Variants in SCAPER observed in about 807,000 individuals in gnomAD.
SCAPER encodes the protein S phase cyclin A-associated protein in the endoplasmic reticulum.
In SCAPER, 98 loss-of-function variants were observed where a neutral mutation model predicts 182.2. The ratio of observed to expected loss-of-function variants is 0.54; its 90% CI spans 0.46 to 0.64. SCAPER has a LOEUF of 0.64. SCAPER is among the 30% of genes least tolerant of loss of function. The probability of loss-of-function intolerance (pLI) is 0.00; values close to 1 mark genes in which losing one functional copy is unlikely to be tolerated. For missense variants in SCAPER, 1,432 were observed against 1,690.0 expected (o/e 0.85, Z 2.68); for synonymous variants, 605 against 564.6 (o/e 1.07, Z -1.01).
At chr15:76,383,966 A>G (rs1407786746) in intron 27 of SCAPER, among the ~76,000 whole-genome samples, 4 of 152,242 alleles carry the variant, frequency 2.6e-5, no homozygotes, top group African/African-American at 9.6e-5. Flanking sequence ...ATTTGCTTAT[A>G]GGTATATCTG....
At chr15:76,646,981 C>T (rs1426728538) in intron 21 of SCAPER, among the ~76,000 whole-genome samples, 1 of 152,122 alleles carries the variant, frequency 6.6e-6, no homozygotes, top group Non-Finnish European at 1.5e-5. Context: ...GCCTGAATTC[C>T]AATTTATGAT....
At chr15:76,854,413 C>T (rs1031997309) in intron 4 of SCAPER, among the ~76,000 whole-genome samples, 24 of 152,012 alleles carry the variant, frequency 1.6e-4, no homozygotes, top group African/African-American at 5.8e-4. Flanking sequence ...GGAGGAGAAA[C>T]ATCTCCACAA....
At chr15:76,482,060 T>C (rs1450157809) in intron 24 of SCAPER, among the ~76,000 whole-genome samples, 1 of 152,182 alleles carries the variant, frequency 6.6e-6, no homozygotes, top group Non-Finnish European at 1.5e-5. Context: ...AGGCGCATAA[T>C]ATCTGAATGT....
At chr15:76,884,399 T>C (rs760608444) in intron 1 of SCAPER, among the ~76,000 whole-genome samples, 11 of 152,188 alleles carry the variant, frequency 7.2e-5, no homozygotes, top group Non-Finnish European at 1.5e-4. Context: ...AACAATTACA[T>C]AAGGCTGTAA....
At chr15:76,740,268 G>T (rs1408440619) in intron 15 of SCAPER, among the ~76,000 whole-genome samples, 1 of 152,142 alleles carries the variant, frequency 6.6e-6, no homozygotes, top group African/African-American at 2.4e-5. Context: ...CAGAGAACAT[G>T]ACAAAATGAC....
chr15:76,863,668 T>C (rs1294155050), intron 2 of SCAPER, among the ~76,000 whole-genome samples: 1 of 152,190 alleles, frequency 6.6e-6, no homozygotes, highest in African/African-American at 2.4e-5. Context: ...GATGCCTCCC[T>C]TGGCCCCAGA....
At chr15:76,750,134 A>G in intron 15 of SCAPER, among the ~76,000 whole-genome samples, 1 of 151,864 alleles carries the variant, frequency 6.6e-6, no homozygotes, top group South Asian at 2.1e-4. Context: ...TGTAAAAAGA[A>G]CAGTCTTAAA....
At chr15:76,783,087 C>T (rs1005511135) in intron 8 of SCAPER, among the ~76,000 whole-genome samples, 1 of 151,950 alleles carries the variant, frequency 6.6e-6, no homozygotes, top group Non-Finnish European at 1.5e-5. Flanking sequence ...ATACATGAAT[C>T]CAAGAGGTGT....
intron 10 of SCAPER, among the ~76,000 whole-genome samples, chr15:76,768,748 A>G (rs2063261342): frequency 6.6e-6 from 1 of 152,144 alleles, no homozygotes; most frequent in Non-Finnish European, 1.5e-5. Flanking sequence ...CAACTGACAG[A>G]AAAAGTAACC....
Position 76,771,849 on chromosome 15 carries a change from A to C in SCAPER, c.1141T>G (p.Ser381Ala). The C allele has an allele frequency of 6.2e-7, 1 of 1,613,210 alleles. No homozygotes were observed. The highest frequency in any genetic ancestry group is 8.5e-7 in the Non-Finnish European group (1 of 1,179,382). Residue 381 changes from serine (S) to alanine (A), a missense_variant, in exon 10 of 32, where the codon TCA becomes GCA. By Grantham distance (99) the Ser-to-Ala change is moderately conservative. Coordinates refer to ENST00000563290, the MANE Select transcript of SCAPER (RefSeq NM_020843.4). The stretch of plus-strand genomic sequence containing the variant: ...GGTGTACCAGCTTGCAGCATAACTG[A>C]AACACACTCTGTATCAATGTGGACA... ...SAVHIDTECV[S>A]VMLQAGTPPL... is the part of the protein sequence containing the mutation.
At chr15:76,425,736 T>C (rs1458873312) in intron 26 of SCAPER, among the ~76,000 whole-genome samples, 1 of 152,192 alleles carries the variant, frequency 6.6e-6, no homozygotes, top group African/African-American at 2.4e-5. Context: ...TTTTTTCCCA[T>C]CTTTGTGGTT....
intron 5 of SCAPER, among the ~76,000 whole-genome samples, chr15:76,820,963 A>T (rs540062103): frequency 6.6e-6 from 1 of 152,338 alleles, no homozygotes; most frequent in African/African-American, 2.4e-5. Flanking sequence ...AAAATCCAGA[A>T]AACTGACAAC....
chr15:76,644,190 G>C (rs938078942), intron 21 of SCAPER, among the ~76,000 whole-genome samples: 19 of 152,090 alleles, frequency 1.2e-4, no homozygotes, highest in African/African-American at 4.1e-4. Flanking sequence ...GCACACAGTA[G>C]AGCTGAGGCT....
chr15:76,529,686 G>GT (rs2043479898), intron 23 of SCAPER, among the ~76,000 whole-genome samples: 1 of 152,244 alleles, frequency 6.6e-6, no homozygotes, highest in Admixed American at 6.5e-5. Flanking sequence ...AGAGAGAAGA[G>GT]TAAGTGCCAA....
chr15:76,777,510 C>G (rs1281230697), intron 8 of SCAPER, among the ~76,000 whole-genome samples: 1 of 149,420 alleles, frequency 6.7e-6, no homozygotes, highest in African/African-American at 2.5e-5. Flanking sequence ...ACCAGCCTAA[C>G]ATGGTGAAAC....
At chr15:76,436,075 TG>T (rs2142566653) in intron 25 of SCAPER, among the ~76,000 whole-genome samples, 1 of 152,336 alleles carries the variant, frequency 6.6e-6, no homozygotes, top group African/African-American at 2.4e-5. Context: ...TGTTTTGTTT[TG>T]TTTTTTTTGG....
At chr15:76,883,183 G>A (rs560784207) in intron 2 of SCAPER, among the ~76,000 whole-genome samples, 2 of 152,328 alleles carry the variant, frequency 1.3e-5, no homozygotes, top group East Asian at 3.9e-4. Flanking sequence ...GGAAAAAACA[G>A]AGCAAGAATA....
At chr15:76,794,659 A>G (rs550275154) in intron 8 of SCAPER, among the ~76,000 whole-genome samples, 1 of 152,368 alleles carries the variant, frequency 6.6e-6, no homozygotes, top group South Asian at 2.1e-4. Flanking sequence ...CTCATGAAAC[A>G]AAACTCATTA....
chr15:76,888,048 G>C (rs1192683768), intron 1 of SCAPER, among the ~76,000 whole-genome samples: 1 of 152,174 alleles, frequency 6.6e-6, no homozygotes, highest in Admixed American at 6.5e-5. Context: ...GTCTGGAGTG[G>C]ACCTCCAGCA....
Sources: allele counts gnomAD v4.1 joint callset (sites outside exome capture counted in the v4.1 genomes callset), GRCh38; gene constraint gnomAD v4.1.1; transcripts MANE v1.5; gene names NCBI Gene and HGNC (gene_info 2026-07-23, HGNC 2026-07-21).